Variants in RGS7 observed in about 807,000 individuals in gnomAD.
RGS7 encodes regulator of G protein signaling 7.
A neutral mutation model predicts 81.1 loss-of-function variants in RGS7; 27 were observed. That is an observed-to-expected ratio of 0.33 (90% CI 0.25 to 0.46). The LOEUF is 0.46. Ranked by LOEUF, RGS7 falls within the 20% of genes least tolerant of loss-of-function variation. The pLI is 1.00. For missense variants in RGS7, 396 were observed against 607.4 expected, an observed-to-expected ratio of 0.65 and a Z score of 3.66; for synonymous variants, 208 against 207.7, an observed-to-expected ratio of 1.00 and a Z score of -0.01.
At chr1:240,883,780 C>A (rs559059643) in intron 6 of RGS7, among the ~76,000 whole-genome samples, 1 of 152,170 alleles carries the variant, frequency 6.6e-6, no homozygotes, top group South Asian at 2.1e-4. Flanking sequence ...GACAATCTTG[C>A]TATTTAAAAT....
intron 3 of RGS7, among the ~76,000 whole-genome samples, chr1:241,037,797 C>G (rs139338608): frequency 6.6e-6 from 1 of 150,870 alleles, no homozygotes; most frequent in Admixed American, 6.6e-5. Flanking sequence ...TAAAACAGAA[C>G]GAAATAATGA....
intron 3 of RGS7, among the ~76,000 whole-genome samples, chr1:241,059,748 C>T (rs866350162): frequency 1.0e-4 from 15 of 150,066 alleles, no homozygotes; most frequent in African/African-American, 1.0e-4. Context: ...TCCCACCACA[C>T]GCAAAGCTCA....
At chr1:241,342,930 G>A (rs1573765248) in intron 2 of RGS7, among the ~76,000 whole-genome samples, 1 of 152,112 alleles carries the variant, frequency 6.6e-6, no homozygotes, top group Non-Finnish European at 1.5e-5. Flanking sequence ...GTCAAATGGT[G>A]CAGCCACTAG....
chr1:241,074,089 T>C (rs1171181871), intron 3 of RGS7, among the ~76,000 whole-genome samples: 1 of 152,056 alleles, frequency 6.6e-6, no homozygotes, highest in African/African-American at 2.4e-5. Context: ...TTAGTAGAGA[T>C]GGGGTTTTGC....
rs189513684 is a variant in RGS7 at position 241,040,699 on chromosome 1, G to A, written c.176-57570C>T. Among the ~76,000 whole-genome samples the A allele has an allele frequency of 1.1e-3, 167 of 152,058 alleles. 1 individual carries two copies. Among genetic ancestry groups the A allele is most frequent in the African/African-American group, 3.6e-3 (150 of 41,492 alleles). ...GAGACAGGGTTTTACCATCTTGGCC[G>A]TGCTGGTCTTGAACTCCCAACCTCA... On this transcript the variant is annotated intron_variant, in intron 3 of 18. Coordinates refer to ENST00000440928, the MANE Select transcript of RGS7 (RefSeq NM_001364886.1).
At position 240,895,553 on chromosome 1, in the gene RGS7, T is replaced by C. The variant is rs548329715; in HGVS notation, c.386-25434A>G. Among the ~76,000 whole-genome samples the C allele has an allele frequency of 2.6e-5, 4 of 152,262 alleles. No individual in the cohort carries two copies. In the East Asian group the frequency reaches 5.8e-4, roughly 22 times the overall value. On this transcript the variant is annotated intron_variant, in intron 6 of 18. Coordinates refer to ENST00000440928, the MANE Select transcript of RGS7 (RefSeq NM_001364886.1). ...ACATGCGGTGCTTGGTTTTCTGTCC[T>C]TGCCATAGTTTGCTCAGAATGATGG... is the stretch of plus-strand genomic sequence containing the variant.
At chr1:240,893,461 A>G (rs192752142) in intron 6 of RGS7, among the ~76,000 whole-genome samples, 173 of 152,314 alleles carry the variant, frequency 1.1e-3, no homozygotes, top group African/African-American at 4.0e-3. Context: ...TAAACCAGGC[A>G]TATTTCTCCC....
intron 5 of RGS7, among the ~76,000 whole-genome samples, chr1:240,936,014 C>T (rs10495478): frequency 0.024 from 3,640 of 152,264 alleles, 144 homozygotes; most frequent in African/African-American, 0.079. Flanking sequence ...TGACTGAAAT[C>T]AGAGTCCACA....
At chr1:240,837,543 C>T (rs1694922781) in intron 9 of RGS7, among the ~76,000 whole-genome samples, 1 of 152,190 alleles carries the variant, frequency 6.6e-6, no homozygotes, top group South Asian at 2.1e-4. Context: ...AGTAGCAACA[C>T]AGAATTTTAG....
intron 3 of RGS7, among the ~76,000 whole-genome samples, chr1:241,055,822 C>T (rs1163429972): frequency 1.3e-5 from 2 of 152,200 alleles, no homozygotes; most frequent in Non-Finnish European, 2.9e-5. Context: ...CATCCTGAGG[C>T]TACCCAGGAG....
chr1:241,304,612 T>C lies in RGS7; in HGVS notation c.78+51087A>G, dbSNP rs560535180. ...AGGTAGGGGCCGGGAGCGGGTGTTGTGAAGAGAACTGATCATACAGGTTTC... is the reference window on the plus strand; with the variant it reads ...AGGTAGGGGCCGGGAGCGGGTGTTGCGAAGAGAACTGATCATACAGGTTTC... On this transcript the variant is annotated intron_variant, in intron 2 of 18. Coordinates refer to ENST00000440928, the MANE Select transcript of RGS7 (RefSeq NM_001364886.1). Among the ~76,000 whole-genome samples the C allele has an allele frequency of 6.6e-5, 10 of 152,262 alleles. No homozygotes were observed. In the South Asian group the frequency reaches 2.1e-3, roughly 32 times the overall value.
intron 2 of RGS7, among the ~76,000 whole-genome samples, chr1:241,112,381 G>C: frequency 6.6e-6 from 1 of 152,076 alleles, no homozygotes; most frequent in East Asian, 1.9e-4. Context: ...TGCTTTGCCT[G>C]GGTCCATCCA....
At chr1:240,863,338 G>A (rs1404454068) in intron 9 of RGS7, among the ~76,000 whole-genome samples, 1 of 152,126 alleles carries the variant, frequency 6.6e-6, no homozygotes, top group Admixed American at 6.5e-5. Flanking sequence ...AGCTGGGCGT[G>A]GTGGCATGCG....
intron 3 of RGS7, among the ~76,000 whole-genome samples, chr1:241,053,118 G>C (rs2061333530): frequency 6.6e-6 from 1 of 152,138 alleles, no homozygotes; most frequent in African/African-American, 2.4e-5. Flanking sequence ...ATGTCACAGT[G>C]AAGTGGTTCA....
intron 2 of RGS7, among the ~76,000 whole-genome samples, chr1:241,218,840 G>A (rs2074727458): frequency 6.6e-6 from 1 of 151,960 alleles, no homozygotes; most frequent in African/African-American, 2.4e-5. Flanking sequence ...AGTAGAGATG[G>A]GGTTTCACTA....
chr1:241,345,082 TG>T (rs1170205274), intron 2 of RGS7, among the ~76,000 whole-genome samples: 1 of 152,208 alleles, frequency 6.6e-6, no homozygotes, highest in Non-Finnish European at 1.5e-5. Context: ...ATGTCTTTTG[TG>T]GGAACATGGA....
chr1:241,003,280 C>T (rs376149318), intron 3 of RGS7, among the ~76,000 whole-genome samples: 3 of 151,762 alleles, frequency 2.0e-5, no homozygotes, highest in East Asian at 2.0e-4. Context: ...GCTAGCACAG[C>T]GAAACCCTGT....
chr1:241,180,298 C>T (rs2071501376), intron 2 of RGS7, among the ~76,000 whole-genome samples: 1 of 152,072 alleles, frequency 6.6e-6, no homozygotes, highest in Non-Finnish European at 1.5e-5. Context: ...TGGCGTGAAC[C>T]CGGGAGGCGG....
chr1:240,996,174 T>C (rs561713057), intron 3 of RGS7, among the ~76,000 whole-genome samples: 2 of 152,288 alleles, frequency 1.3e-5, no homozygotes, highest in Non-Finnish European at 2.9e-5. Flanking sequence ...AATGTCTGTT[T>C]TTTAAAACTT....
Sources: allele counts gnomAD v4.1 joint callset (sites outside exome capture counted in the v4.1 genomes callset), GRCh38; gene constraint gnomAD v4.1.1; transcripts MANE v1.5; gene names NCBI Gene and HGNC (gene_info 2026-07-23, HGNC 2026-07-21).